The following TYW1 variants were observed in gnomAD, a reference collection of about 807,000 sequenced individuals.
The protein encoded by TYW1 is S-adenosyl-L-methionine-dependent tRNA 4-demethylwyosine synthase TYW1.
Under a neutral mutation model 96.2 loss-of-function variants are expected in TYW1, and 46 were observed. The ratio of observed to expected loss-of-function variants is 0.48; its 90% CI spans 0.38 to 0.61. The LOEUF (loss-of-function observed/expected upper bound fraction) is 0.61, where lower values mean the gene tolerates loss of function less well. Ranked by LOEUF, TYW1 falls within the 20% of genes least tolerant of loss-of-function variation. TYW1 has a pLI of 0.00. For missense variants in TYW1, 684 were observed against 909.6 expected (o/e 0.75, Z 3.19); for synonymous variants, 274 against 323.0 (o/e 0.85, Z 1.63).
At chr7:67,209,248 C>T (rs543748814) in intron 15 of TYW1, among the ~76,000 whole-genome samples, 32 of 152,294 alleles carry the variant, frequency 2.1e-4, no homozygotes, top group South Asian at 2.1e-4. Context: ...AAGGAGATGA[C>T]CACAGTTGCC....
intron 15 of TYW1, among the ~76,000 whole-genome samples, chr7:67,201,278 C>T (rs1390741703): frequency 7.2e-6 from 1 of 139,494 alleles, no homozygotes; most frequent in Non-Finnish European, 1.5e-5. Context: ...TCAGCCTGGA[C>T]AACAGAGTGA....
intron 6 of TYW1, among the ~76,000 whole-genome samples, chr7:67,022,301 G>T (rs1344156056): frequency 6.6e-6 from 1 of 152,108 alleles, no homozygotes; most frequent in African/African-American, 2.4e-5. Flanking sequence ...GTGTTAGAGG[G>T]GCAGATTTGC....
At chr7:67,089,824 G>A (rs1796657993) in intron 11 of TYW1, among the ~76,000 whole-genome samples, 1 of 152,084 alleles carries the variant, frequency 6.6e-6, no homozygotes, top group African/African-American at 2.4e-5. Context: ...AATTAACTTT[G>A]CATTGATTAA....
At chr7:67,098,282 C>G (rs1369867562) in intron 11 of TYW1, among the ~76,000 whole-genome samples, 1 of 152,156 alleles carries the variant, frequency 6.6e-6, no homozygotes, top group African/African-American at 2.4e-5. Flanking sequence ...TTCTGCATTC[C>G]AAATAATTAG....
At chr7:67,144,146 T>C (rs6947688) in intron 13 of TYW1, among the ~76,000 whole-genome samples, 39,561 of 152,164 alleles carry the variant, frequency 0.26, 5,642 homozygotes, top group African/African-American at 0.38. Flanking sequence ...ACCAAATACA[T>C]GGGTAGTGTG....
At chr7:67,179,815 C>T (rs1799778408) in intron 13 of TYW1, among the ~76,000 whole-genome samples, 1 of 144,502 alleles carries the variant, frequency 6.9e-6, no homozygotes, top group South Asian at 2.2e-4. Flanking sequence ...ACTCACTGTC[C>T]TGCATGCTAT....
At position 67,073,185 on chromosome 7, in the gene TYW1, G is replaced by T. The variant is rs181780936; in HGVS notation, c.1274+5782G>T. The stretch of plus-strand genomic sequence containing the variant: ...TCTTAGGTCATCCTGTTAAATCAGT[G>T]GTTCTCAACTGGGGGCAAAATTGCT... On this transcript the variant is annotated intron_variant, in intron 10 of 15. Coordinates refer to ENST00000359626, the MANE Select transcript of TYW1 (RefSeq NM_018264.4). 8.6e-4 allele frequency among the ~76,000 whole-genome samples: 131 copies of T among 152,112 alleles called. 1 individual carries two copies. The highest frequency in any genetic ancestry group is 1.5e-3 in the Non-Finnish European group (99 of 67,986).
chr7:67,056,545 C>G (rs1245326878), intron 9 of TYW1, among the ~76,000 whole-genome samples: 3 of 151,224 alleles, frequency 2.0e-5, no homozygotes, highest in Non-Finnish European at 2.9e-5. Context: ...AATGTGCAGT[C>G]TTTTGCAACT....
intron 11 of TYW1, among the ~76,000 whole-genome samples, chr7:67,097,797 A>G (rs2115856510): frequency 6.6e-6 from 1 of 151,400 alleles, no homozygotes; most frequent in Middle Eastern, 3.4e-3. Context: ...GACTCAAGTG[A>G]TCTTCCCACC....
intron 1 of TYW1, 22 bp from the exon 2 acceptor site, chr7:66,998,043 G>C (rs1185363081): frequency 6.4e-7 from 1 of 1,569,642 alleles, no homozygotes; most frequent in African/African-American, 1.4e-5. Flanking sequence ...AAATGAAATT[G>C]TGTGTGTCAT....
chr7:67,073,331 A>G (rs1470464727), intron 10 of TYW1, among the ~76,000 whole-genome samples: 1 of 152,130 alleles, frequency 6.6e-6, no homozygotes, highest in South Asian at 2.1e-4. Context: ...GTTGCTAAGC[A>G]TTCCCTAATG....
rs1187652225 is a variant in TYW1, at chr7:67,149,722, ATATCT to A, written c.1698+32105_1698+32109del. ...GGAGCTTGTCAAAAAAGGAAAAAAA[ATATCT>A]ATCTATCTATCTATCTATCTATCTA... On this transcript the variant is annotated intron_variant, in intron 13 of 15. Transcript: ENST00000359626. Among the ~76,000 whole-genome samples the A allele has an allele frequency of 2.9e-5, 4 of 140,120 alleles. No homozygotes were observed. The East Asian group carries it at 8.4e-4, about 29-fold the overall frequency. The allele number at this position is 140,120 out of a possible 152,430, so 91.9% of individuals were successfully genotyped here.
intron 14 of TYW1, among the ~76,000 whole-genome samples, chr7:67,188,368 C>T (rs1800096650): frequency 1.3e-5 from 2 of 152,020 alleles, no homozygotes; most frequent in Non-Finnish European, 2.9e-5. Context: ...TAAGACCTCT[C>T]CATAAAACAT....
intron 5 of TYW1, 100 bp from the exon 6 acceptor site, chr7:67,017,753 T>C (rs1794073687): frequency 1.3e-6 from 2 of 1,492,192 alleles, no homozygotes; most frequent in Admixed American, 2.3e-5. Context: ...CGGCAGCCCA[T>C]GACCAGGGGC....
intron 15 of TYW1, among the ~76,000 whole-genome samples, chr7:67,227,281 G>A (rs888512656): frequency 1.3e-5 from 2 of 151,912 alleles, no homozygotes; most frequent in Admixed American, 6.6e-5. Flanking sequence ...TTTGAGATGG[G>A]CGTCTCACTC....
chr7:67,160,096 C>A (rs10224762), intron 13 of TYW1, among the ~76,000 whole-genome samples: 37,479 of 151,970 alleles, frequency 0.25, 4,725 homozygotes, highest in South Asian at 0.3. Flanking sequence ...GCCACCACGC[C>A]TGGCCCCAAA....
At chr7:67,112,120 A>AAAAAAAAAAAAAAAAG (rs1424171580) in intron 12 of TYW1, among the ~76,000 whole-genome samples, 20 of 148,782 alleles carry the variant, frequency 1.3e-4, no homozygotes, top group Non-Finnish European at 2.5e-4. Context: ...AAAAAAAAAA[A>AAAAAAAAAAAAAAAAG]AAAGAAAGTG....
chr7:67,186,283 TC>T lies in TYW1; in HGVS notation c.1809+3053del, dbSNP rs68120749. On this transcript the variant is annotated intron_variant, in intron 14 of 15. Coordinates refer to ENST00000359626, the MANE Select transcript of TYW1 (RefSeq NM_018264.4). ...CCTTTCTTCCCCCCCGCCCCACCTC[TC>T]CCCCCTCCTTTCTTACTTTCGCAGT... Among the ~76,000 whole-genome samples the T allele has an allele frequency of 3.6e-5, 2 of 55,038 alleles. 1 individual carries two copies. Among genetic ancestry groups the T allele is most frequent in the Non-Finnish European group, 6.1e-5 (2 of 32,706 alleles). 36.1% of individuals were successfully genotyped at this position (55,038 alleles called of 152,430 possible). A position where few individuals can be genotyped will look rare whatever the true frequency, so the allele number is the denominator to read the frequency against.
chr7:67,159,435 A>G (rs1395108348), intron 13 of TYW1, among the ~76,000 whole-genome samples: 1 of 152,232 alleles, frequency 6.6e-6, no homozygotes, highest in Non-Finnish European at 1.5e-5. Flanking sequence ...GTACAACTCC[A>G]GATGTTAATA....
Sources: allele counts gnomAD v4.1 joint callset (sites outside exome capture counted in the v4.1 genomes callset), GRCh38; gene constraint gnomAD v4.1.1; transcripts MANE v1.5; gene names NCBI Gene and HGNC (gene_info 2026-07-23, HGNC 2026-07-21).